The following TRAPPC9 variants were observed in gnomAD, a reference collection of about 807,000 sequenced individuals.
The protein encoded by TRAPPC9 is IKK2 binding protein.
TRAPPC9 carries 83 observed loss-of-function variants against 124.0 expected under a neutral mutation model. The observed-to-expected ratio is 0.67, with a 90% confidence interval of 0.56 to 0.80. The LOEUF (loss-of-function observed/expected upper bound fraction) is 0.80, where lower values mean the gene tolerates loss of function less well. Among genes scored for constraint, TRAPPC9 ranks in the 30% least tolerant of loss-of-function variants. The pLI is 0.00. For synonymous variants in TRAPPC9, 638 were observed against 617.5 expected (o/e 1.03, Z -0.49); for missense variants, 1,302 against 1,508.3 (o/e 0.86, Z 2.27).
chr8:140,143,364 C>G (rs2061409510), intron 17 of TRAPPC9, among the ~76,000 whole-genome samples: 1 of 151,788 alleles, frequency 6.6e-6, no homozygotes, highest in Admixed American at 6.6e-5. Context: ...GTGGGACTCA[C>G]TCTTATAGTC....
intron 13 of TRAPPC9, 78 bp downstream of exon 13, chr8:140,287,530 C>G: frequency 6.3e-7 from 1 of 1,578,178 alleles, no homozygotes. Context: ...GACGGGCGAT[C>G]GGCTCTGGAC....
intron 16 of TRAPPC9, among the ~76,000 whole-genome samples, chr8:140,239,923 A>G (rs555606955): frequency 1.3e-5 from 2 of 152,354 alleles, no homozygotes; most frequent in African/African-American, 4.8e-5. Context: ...TATTTTCAAG[A>G]GCAGTAGCAG....
chr8:139,752,775 C>T (rs1189793827), intron 21 of TRAPPC9, among the ~76,000 whole-genome samples: 3 of 150,778 alleles, frequency 2.0e-5, no homozygotes, highest in Non-Finnish European at 4.4e-5. Context: ...TCCATCCATC[C>T]ATCTATCTAT....
chr8:140,006,772 T>C (rs1838783052), intron 18 of TRAPPC9, among the ~76,000 whole-genome samples: 1 of 152,136 alleles, frequency 6.6e-6, no homozygotes, highest in Non-Finnish European at 1.5e-5. Flanking sequence ...TAAGCAAATC[T>C]AGAGAGACAG....
At chr8:139,738,899 G>A (rs1000982826) in intron 21 of TRAPPC9, among the ~76,000 whole-genome samples, 2 of 152,124 alleles carry the variant, frequency 1.3e-5, no homozygotes, top group East Asian at 1.9e-4. Context: ...TGGAATGGTC[G>A]CACCTTCCTC....
chr8:140,447,523 A>G (rs946374555), intron 2 of TRAPPC9, among the ~76,000 whole-genome samples: 1 of 152,222 alleles, frequency 6.6e-6, no homozygotes, highest in Non-Finnish European at 1.5e-5. Context: ...CAAAAATTAG[A>G]AACATATAAG....
In TRAPPC9 at chr8:140,221,472, T is replaced by C; in HGVS notation, c.2543A>G (p.Tyr848Cys). 3 of 1,614,124 alleles carry C rather than the reference T, an allele frequency of 1.9e-6. No homozygotes were observed. The highest frequency in any genetic ancestry group is 2.5e-6 in the Non-Finnish European group (3 of 1,179,990). ...NPPESNKAGD[Y>C]SHVKTLEAVL... is the part of the protein sequence containing the mutation. ...ATACCAACTCACCTTCACGTGGCTG[T>C]AGTCGCCTGCTTTGTTGCTCTCGGG... The change falls in exon 17 of 23, where the codon TAC becomes TGC. Residue 848 changes from tyrosine to cysteine, a missense_variant. Physicochemically the swap from Tyr to Cys is radical, Grantham distance 194. Coordinates refer to ENST00000438773, the MANE Select transcript of TRAPPC9 (RefSeq NM_001160372.4).
chr8:140,025,565 C>CAAAAAAAA (rs11329773), intron 17 of TRAPPC9, among the ~76,000 whole-genome samples: 1 of 123,850 alleles, frequency 8.1e-6, no homozygotes, highest in Non-Finnish European at 1.7e-5. Context: ...AAGCAAAATG[C>CAAAAAAAA]AAAAAAAAAA....
At chr8:139,991,235 A>G (rs1837621593) in intron 18 of TRAPPC9, among the ~76,000 whole-genome samples, 1 of 152,200 alleles carries the variant, frequency 6.6e-6, no homozygotes, top group African/African-American at 2.4e-5. Context: ...AGGTTCAAAT[A>G]TATTTTGTTT....
chr8:140,132,515 C>T (rs943298108), intron 17 of TRAPPC9, among the ~76,000 whole-genome samples: 1 of 152,162 alleles, frequency 6.6e-6, no homozygotes, highest in East Asian at 1.9e-4. Flanking sequence ...TTACTTTCAC[C>T]ACTGCAGCTT....
intron 21 of TRAPPC9, among the ~76,000 whole-genome samples, chr8:139,862,045 C>G (rs1018636793): frequency 3.3e-5 from 5 of 152,258 alleles, no homozygotes; most frequent in African/African-American, 1.2e-4. Context: ...CTTTGCTAGG[C>G]AGATACAATG....
In TRAPPC9 at chr8:140,041,442, A is replaced by G. The variant is rs555062643; in HGVS notation, c.2557-17363T>C. Among the ~76,000 whole-genome samples the G allele has an allele frequency of 2.6e-5, 4 of 152,376 alleles. No individual in the cohort carries two copies. The East Asian group carries it at 7.7e-4, about 29-fold the overall frequency. ...TAAATGATTTTTTCCACAGAAAGTG[A>G]GAATTAAACAGAGGCTAAGAATCAA... is the stretch of plus-strand genomic sequence containing the variant. On this transcript the variant is annotated intron_variant, in intron 17 of 22. Coordinates refer to ENST00000438773, the MANE Select transcript of TRAPPC9 (RefSeq NM_001160372.4).
At chr8:140,356,995 C>A in intron 9 of TRAPPC9, among the ~76,000 whole-genome samples, 1 of 152,198 alleles carries the variant, frequency 6.6e-6, no homozygotes, top group Non-Finnish European at 1.5e-5. Flanking sequence ...AGGGCTGTGA[C>A]AACATCACTC....
intron 17 of TRAPPC9, among the ~76,000 whole-genome samples, chr8:140,070,646 G>A (rs1843112767): frequency 6.6e-6 from 1 of 152,190 alleles, no homozygotes; most frequent in Non-Finnish European, 1.5e-5. Flanking sequence ...CATAGTGACA[G>A]AAGAGTGTGG....
At chr8:139,920,470 G>C (rs568368186) in intron 19 of TRAPPC9, among the ~76,000 whole-genome samples, 2 of 152,244 alleles carry the variant, frequency 1.3e-5, no homozygotes, top group African/African-American at 4.8e-5. Context: ...AAGTCACCCT[G>C]TCCCTGAGCC....
At chr8:139,884,945 G>A (rs1382064100) in intron 21 of TRAPPC9, among the ~76,000 whole-genome samples, 2 of 152,220 alleles carry the variant, frequency 1.3e-5, no homozygotes, top group Non-Finnish European at 2.9e-5. Flanking sequence ...CGCTGGTGGA[G>A]TGCAAGGAGA....
chr8:139,996,474 A>G (rs1029793733), intron 18 of TRAPPC9, among the ~76,000 whole-genome samples: 2 of 152,148 alleles, frequency 1.3e-5, no homozygotes, highest in African/African-American at 4.8e-5. Context: ...TGGGATCAGT[A>G]AGGAATTAAA....
chr8:140,024,275 G>A (rs866336006), intron 17 of TRAPPC9, among the ~76,000 whole-genome samples, 196 bp from the exon 18 acceptor site: 26 of 151,972 alleles, frequency 1.7e-4, no homozygotes, highest in South Asian at 6.2e-4. Context: ...CACCCCCAGC[G>A]GGCACCATCT....
At chr8:139,959,344 T>A (rs375091886) in intron 19 of TRAPPC9, among the ~76,000 whole-genome samples, 1 of 152,230 alleles carries the variant, frequency 6.6e-6, no homozygotes, top group Non-Finnish European at 1.5e-5. Flanking sequence ...CTGTGCCAGG[T>A]ACTCTTTTGG....
Sources: gnomAD v4.1 joint callset for allele counts (sites outside exome capture counted in the v4.1 genomes callset) on GRCh38, gnomAD v4.1.1 for gene constraint, MANE v1.5 for transcripts, NCBI Gene and HGNC (gene_info 2026-07-23, HGNC 2026-07-21) for gene names.